MARCHF1: variants seen among roughly 807,000 people sequenced by gnomAD.
MARCHF1 encodes the protein E3 ubiquitin-protein ligase MARCHF1.
Under a neutral mutation model 54.2 loss-of-function variants are expected in MARCHF1, and 40 were observed. That is an observed-to-expected ratio of 0.74 (90% confidence interval 0.57 to 0.96). The LOEUF (loss-of-function observed/expected upper bound fraction) is 0.96, where lower values mean the gene tolerates loss of function less well. Ranked by LOEUF, MARCHF1 falls within the 40% of genes least tolerant of loss-of-function variation. The probability of loss-of-function intolerance (pLI) is 0.00; values close to 1 mark genes in which losing one functional copy is unlikely to be tolerated. For synonymous variants in MARCHF1, 236 were observed against 236.3 expected, an observed-to-expected ratio of 1.00 and a Z score of 0.01; for missense variants, 586 against 656.5, an observed-to-expected ratio of 0.89 and a Z score of 1.17.
intron 1 of MARCHF1, chr4:164,188,523 G>T: frequency 1.4e-6 from 1 of 709,858 alleles, no homozygotes; most frequent in South Asian, 1.5e-5. Context: ...AAGACCGGCT[G>T]CGTGGAGATC....
At chr4:164,321,748 C>G (rs1290168424) in intron 1 of MARCHF1, among the ~76,000 whole-genome samples, 5 of 151,884 alleles carry the variant, frequency 3.3e-5, no homozygotes, top group African/African-American at 1.2e-4. Flanking sequence ...CAAACGATAG[C>G]ACAAAAGATC....
At chr4:163,543,433 G>T (rs973546588) in intron 9 of MARCHF1, among the ~76,000 whole-genome samples, 1 of 151,464 alleles carries the variant, frequency 6.6e-6, no homozygotes, top group African/African-American at 2.4e-5. Context: ...TAGTGGTGCC[G>T]TTCCCACAGG....
At chr4:164,191,651 A>T (rs1226124023) in intron 1 of MARCHF1, among the ~76,000 whole-genome samples, 1 of 152,170 alleles carries the variant, frequency 6.6e-6, no homozygotes, top group Non-Finnish European at 1.5e-5. Context: ...TTGTTCTGAA[A>T]AATCACAATT....
intron 1 of MARCHF1, among the ~76,000 whole-genome samples, chr4:164,229,152 A>T (rs1304712201): frequency 6.6e-6 from 1 of 152,188 alleles, no homozygotes; most frequent in Non-Finnish European, 1.5e-5. Context: ...AATGTCAACA[A>T]ATTCTTTGAC....
At chr4:163,968,335 A>G (rs532363310) in intron 3 of MARCHF1, among the ~76,000 whole-genome samples, 41 of 152,274 alleles carry the variant, frequency 2.7e-4, no homozygotes, top group Non-Finnish European at 5.3e-4. Flanking sequence ...AGGCAGGGCA[A>G]AATACATAAA....
At chr4:164,070,726 G>T (rs1754844907) in intron 2 of MARCHF1, among the ~76,000 whole-genome samples, 1 of 152,206 alleles carries the variant, frequency 6.6e-6, no homozygotes, top group African/African-American at 2.4e-5. Context: ...TTAAATGTCT[G>T]CAAGGCAGGC....
intron 3 of MARCHF1, among the ~76,000 whole-genome samples, chr4:163,917,223 T>C (rs1424479632): frequency 6.6e-6 from 1 of 152,162 alleles, no homozygotes; most frequent in Non-Finnish European, 1.5e-5. Context: ...TATAAACATC[T>C]GTGCACAGGT....
rs191994689 is a variant in MARCHF1, at chr4:163,812,691, G to A, written c.111+41330C>T. On this transcript the variant is annotated intron_variant, in intron 4 of 9. Transcript: ENST00000514618. ...GAGAATCACGTGAACCTGGGAGGCGGGAGTTGCAGTAAGCAGAGACTGTGC... is the reference window on the plus strand; with the variant it reads ...GAGAATCACGTGAACCTGGGAGGCGAGAGTTGCAGTAAGCAGAGACTGTGC... Among the ~76,000 whole-genome samples the A allele has an allele frequency of 1.3e-4, 20 of 152,214 alleles. No homozygotes were observed. The East Asian group carries it at 3.3e-3, about 25-fold the overall frequency.
At chr4:164,026,801 C>A (rs1169259256) in intron 2 of MARCHF1, among the ~76,000 whole-genome samples, 4 of 152,084 alleles carry the variant, frequency 2.6e-5, no homozygotes, top group Non-Finnish European at 5.9e-5. Flanking sequence ...GTAAAACTCT[C>A]TCTTCGTAGA....
intron 4 of MARCHF1, among the ~76,000 whole-genome samples, chr4:163,724,060 CT>C (rs1376844246): frequency 6.6e-6 from 1 of 152,248 alleles, no homozygotes; most frequent in African/African-American, 2.4e-5. Flanking sequence ...TGTTCCATTG[CT>C]GGCGAGGAGC....
At chr4:163,725,197 A>G (rs1041177903) in intron 4 of MARCHF1, among the ~76,000 whole-genome samples, 2 of 152,222 alleles carry the variant, frequency 1.3e-5, no homozygotes, top group African/African-American at 2.4e-5. Flanking sequence ...TAAATGTTCT[A>G]GAGTGGCATA....
chr4:163,958,713 T>G (rs994139852), intron 3 of MARCHF1, among the ~76,000 whole-genome samples: 3 of 151,946 alleles, frequency 2.0e-5, no homozygotes, highest in Non-Finnish European at 4.4e-5. Context: ...TCTTTTAAGA[T>G]CTACTGTAAT....
intron 1 of MARCHF1, among the ~76,000 whole-genome samples, chr4:164,135,743 A>G (rs1269630417): frequency 6.6e-6 from 1 of 152,238 alleles, no homozygotes; most frequent in African/African-American, 2.4e-5. Flanking sequence ...TACTTAATGC[A>G]TAACTGCATT....
At chr4:163,569,804 C>T (rs1055789278) in intron 8 of MARCHF1, among the ~76,000 whole-genome samples, 9 of 152,060 alleles carry the variant, frequency 5.9e-5, no homozygotes, top group African/African-American at 2.2e-4. Flanking sequence ...TGCATCTGTA[C>T]AATGATTTAT....
chr4:164,271,044 A>AC (rs1733734002), intron 1 of MARCHF1, among the ~76,000 whole-genome samples: 1 of 152,216 alleles, frequency 6.6e-6, no homozygotes, highest in Admixed American at 6.5e-5. Flanking sequence ...AAAAATAAAA[A>AC]CAATGCTTAC....
intron 4 of MARCHF1, among the ~76,000 whole-genome samples, chr4:163,716,341 C>A (rs908469687): frequency 6.6e-6 from 1 of 152,120 alleles, no homozygotes; most frequent in South Asian, 2.1e-4. Flanking sequence ...GTACGGTGTA[C>A]CTTGCAAATT....
rs1262542826 is a variant in MARCHF1, at chr4:163,770,653, T to TA, written c.112-69791dup. On this transcript the variant is annotated intron_variant, in intron 4 of 9. Transcript: ENST00000514618. The stretch of plus-strand genomic sequence containing the variant: ...GAGTTTCAAAATCAGGTCTTTTTTT[T>TA]ATCTGTCTTACTTGTGGAGAATAAA... Among the ~76,000 whole-genome samples the TA allele has an allele frequency of 3.9e-5, 6 of 152,260 alleles. No homozygotes were observed. In the East Asian group the frequency reaches 5.8e-4, roughly 15 times the overall value.
At chr4:164,227,235 G>C (rs4599362) in intron 1 of MARCHF1, among the ~76,000 whole-genome samples, 1 of 151,760 alleles carries the variant, frequency 6.6e-6, no homozygotes, top group Non-Finnish European at 1.5e-5. Context: ...AGGGCAGCAG[G>C]AGAAAGAATG....
chr4:163,917,816 G>T (rs1471055836), intron 3 of MARCHF1, among the ~76,000 whole-genome samples: 3 of 152,012 alleles, frequency 2.0e-5, no homozygotes, highest in Non-Finnish European at 4.4e-5. Flanking sequence ...TTTGTCAGAT[G>T]GATAAATTGC....
Sources: gnomAD v4.1 joint callset for allele counts (sites outside exome capture counted in the v4.1 genomes callset) on GRCh38, gnomAD v4.1.1 for gene constraint, MANE v1.5 for transcripts, NCBI Gene and HGNC (gene_info 2026-07-23, HGNC 2026-07-21) for gene names.